SH3D19: variants seen among roughly 807,000 people sequenced by gnomAD.
The protein encoded by SH3D19 is SH3 domain containing 19, also known as SH3 domain-containing protein 19.
In SH3D19, 58 loss-of-function variants were observed where a neutral mutation model predicts 112.1. The observed-to-expected ratio is 0.52, with a 90% CI of 0.42 to 0.64. The LOEUF (loss-of-function observed/expected upper bound fraction) is 0.64, where lower values mean the gene tolerates loss of function less well. Ranked by LOEUF, SH3D19 falls within the 30% of genes least tolerant of loss-of-function variation. SH3D19 has a pLI of 0.00. For synonymous variants in SH3D19, 391 were observed against 448.5 expected (o/e 0.87, Z 1.62); for missense variants, 1,090 against 1,263.4 (o/e 0.86, Z 2.08).
intron 9 of SH3D19, among the ~76,000 whole-genome samples, chr4:151,158,808 T>TA (rs527539053): frequency 8.6e-5 from 13 of 151,776 alleles, no homozygotes; most frequent in South Asian, 2.1e-4. Flanking sequence ...ATTTTTTAAA[T>TA]AAAAAAAATA....
chr4:151,237,077 T>C (rs1054981998), intron 1 of SH3D19, among the ~76,000 whole-genome samples: 2 of 152,198 alleles, frequency 1.3e-5, no homozygotes, highest in Non-Finnish European at 2.9e-5. Context: ...ACCCTTTGGG[T>C]CTGTGTTGCC....
At chr4:151,277,290 G>C in intron 1 of SH3D19, 1 of 1,284,504 alleles carries the variant, frequency 7.8e-7, no homozygotes, top group Admixed American at 2.4e-5. Context: ...GCATCACATA[G>C]AACAATGTGA....
At chr4:151,280,108 T>C (rs1272558855) in intron 1 of SH3D19, 7 of 746,606 alleles carry the variant, frequency 9.4e-6, no homozygotes, top group Non-Finnish European at 1.5e-5. Flanking sequence ...CCGAAACAAC[T>C]AGAGACAGGG....
intron 2 of SH3D19, among the ~76,000 whole-genome samples, chr4:151,192,485 T>A (rs531367163): frequency 6.6e-6 from 1 of 152,334 alleles, no homozygotes; most frequent in South Asian, 2.1e-4. Flanking sequence ...TTGTTCACAA[T>A]ATATATGGCT....
chr4:151,243,991 T>C (rs1368627887), intron 1 of SH3D19, among the ~76,000 whole-genome samples: 2 of 152,234 alleles, frequency 1.3e-5, no homozygotes, highest in African/African-American at 2.4e-5. Context: ...CACTGTGGAA[T>C]TTCCAGAGCC....
At chr4:151,173,496 A>T (rs775390209) in intron 7 of SH3D19, among the ~76,000 whole-genome samples, 2 of 152,222 alleles carry the variant, frequency 1.3e-5, no homozygotes, top group Non-Finnish European at 2.9e-5. Flanking sequence ...GGCCAATGAT[A>T]ACTCACAGAC....
chr4:151,127,687 T>G lies in SH3D19; in HGVS notation c.2958A>C (p.Val986=). The change falls in exon 19 of 20, where the codon GTA becomes GTC. Residue 986 remains valine, a synonymous_variant. Transcript: ENST00000604030. Reference sequence around the variant, plus strand: ...AGGCTTTGGCCTTCCTCCCCTTCGGTACTATGGCCAACATACTTTTTGCCT... The same window carrying G: ...AGGCTTTGGCCTTCCTCCCCTTCGGGACTATGGCCAACATACTTTTTGCCT... ...PAEAKSMLAI[V]PKGRKAKALY... The G allele has an allele frequency of 1.2e-6, 2 of 1,602,452 alleles. No individual in the cohort carries two copies.
At chr4:151,250,644 G>A (rs1347197523) in intron 1 of SH3D19, among the ~76,000 whole-genome samples, 1 of 152,014 alleles carries the variant, frequency 6.6e-6, no homozygotes, top group Admixed American at 6.6e-5. Context: ...TTTAGTAATT[G>A]TAAAGAAAAA....
At chr4:151,206,644 T>C (rs1365732299) in intron 2 of SH3D19, among the ~76,000 whole-genome samples, 1 of 152,220 alleles carries the variant, frequency 6.6e-6, no homozygotes, top group East Asian at 1.9e-4. Flanking sequence ...GGTATTGTTA[T>C]CATTATTTCC....
At position 151,325,449 on chromosome 4, in the gene SH3D19, G is replaced by A. The variant is rs1730956057; in HGVS notation, c.-97C>T. 3 of 545,890 alleles carry A rather than the reference G, an allele frequency of 5.5e-6. No homozygotes were observed. Among genetic ancestry groups the A allele is most frequent in the Non-Finnish European group, 7.9e-6 (3 of 380,536 alleles). 33.8% of individuals were successfully genotyped at this position (545,890 alleles called of 1,614,324 possible). On this transcript the variant is annotated 5_prime_UTR_variant, in exon 1 of 20. Transcript: ENST00000604030. The stretch of plus-strand genomic sequence containing the variant: ...CGGCGCCCCACGCCACCGCCCTCGG[G>A]CCGGGGGGAAGGCGGCTCCCGGAGA...
intron 1 of SH3D19, among the ~76,000 whole-genome samples, chr4:151,258,112 C>T (rs529158799): frequency 6.6e-6 from 1 of 152,290 alleles, no homozygotes; most frequent in East Asian, 1.9e-4. Flanking sequence ...CCTTATTCCA[C>T]CTCTCTCCCA....
intron 9 of SH3D19, among the ~76,000 whole-genome samples, chr4:151,156,397 G>A (rs1172489603): frequency 6.6e-6 from 1 of 152,158 alleles, no homozygotes; most frequent in African/African-American, 2.4e-5. Flanking sequence ...CAAAGGTGGA[G>A]GCATCACCTA....
At chr4:151,282,682 T>A (rs1183483223) in intron 1 of SH3D19, among the ~76,000 whole-genome samples, 1 of 152,172 alleles carries the variant, frequency 6.6e-6, no homozygotes, top group Non-Finnish European at 1.5e-5. Flanking sequence ...CAAACAGAGG[T>A]TAATAAGACT....
At position 151,121,088 on chromosome 4, in the gene SH3D19, CTTAAA is replaced by C. The variant is rs1422748186; in HGVS notation, c.*998_*1002del. The C allele has an allele frequency of 1.3e-5, 2 of 152,530 alleles. No individual in the cohort carries two copies. The highest frequency in any genetic ancestry group is 1.9e-4 in the East Asian group (1 of 5,204). 9.4% of individuals were successfully genotyped at this position (152,530 alleles called of 1,614,324 possible). A position where few individuals can be genotyped will look rare whatever the true frequency, so the allele number is the denominator to read the frequency against. ...CAAAAAAGTACCAGTCTTCTGTCCTCTTAAATTATTTTTCATTCTGATTATATTAC... is the reference window on the plus strand; with the variant it reads ...CAAAAAAGTACCAGTCTTCTGTCCTCTTATTTTTCATTCTGATTATATTAC... On this transcript the variant is annotated 3_prime_UTR_variant, in exon 20 of 20. Coordinates refer to ENST00000604030, the MANE Select transcript of SH3D19 (RefSeq NM_001378122.1).
intron 19 of SH3D19, among the ~76,000 whole-genome samples, chr4:151,124,527 C>T (rs1049141608): frequency 3.9e-5 from 6 of 151,940 alleles, no homozygotes; most frequent in East Asian, 2.0e-4. Flanking sequence ...AAGACCAGCC[C>T]GGCAACACAG....
At chr4:151,233,117 T>C (rs1243113529) in intron 1 of SH3D19, among the ~76,000 whole-genome samples, 1 of 151,900 alleles carries the variant, frequency 6.6e-6, no homozygotes, top group Non-Finnish European at 1.5e-5. Flanking sequence ...GTGTTCCTTA[T>C]GAGAATCTAA....
chr4:151,186,947 A>T (rs543371023), intron 3 of SH3D19, among the ~76,000 whole-genome samples: 2 of 152,104 alleles, frequency 1.3e-5, no homozygotes, highest in South Asian at 4.2e-4. Flanking sequence ...GGTGCCTGCC[A>T]CTACGCCCGG....
intron 1 of SH3D19, among the ~76,000 whole-genome samples, chr4:151,321,342 C>T (rs1730514022): frequency 1.3e-5 from 2 of 152,130 alleles, no homozygotes; most frequent in Admixed American, 1.3e-4. Flanking sequence ...CCCCACCCTC[C>T]ACTTCTTGCC....
At chr4:151,302,581 G>A (rs1728538570) in intron 1 of SH3D19, among the ~76,000 whole-genome samples, 1 of 152,126 alleles carries the variant, frequency 6.6e-6, no homozygotes, top group Non-Finnish European at 1.5e-5. Context: ...AGACCACGTG[G>A]ACTTTGTTGC....
Sources: gnomAD v4.1 joint callset for allele counts (sites outside exome capture counted in the v4.1 genomes callset) on GRCh38, gnomAD v4.1.1 for gene constraint, MANE v1.5 for transcripts, NCBI Gene and HGNC (gene_info 2026-07-23, HGNC 2026-07-21) for gene names.